The following DAPK1 variants were observed in gnomAD, a reference collection of about 807,000 sequenced individuals.
DAPK1 encodes the protein death associated protein kinase 1, also known as death-associated protein kinase 1.
Under a neutral mutation model 144.9 loss-of-function variants are expected in DAPK1, and 56 were observed. That is an observed-to-expected ratio of 0.39 (90% CI 0.31 to 0.48). The LOEUF (loss-of-function observed/expected upper bound fraction) is 0.48, where lower values mean the gene tolerates loss of function less well. Among genes scored for constraint, DAPK1 ranks in the 20% least tolerant of loss-of-function variants. The pLI is 0.95. For missense variants in DAPK1, 1,454 were observed against 1,875.4 expected, an observed-to-expected ratio of 0.78 and a Z score of 4.15; for synonymous variants, 690 against 749.0, an observed-to-expected ratio of 0.92 and a Z score of 1.29.
chr9:87,705,908 C>G (rs949252074), intron 25 of DAPK1, among the ~76,000 whole-genome samples: 1 of 151,812 alleles, frequency 6.6e-6, no homozygotes, highest in Admixed American at 6.6e-5. Flanking sequence ...TTGAAGACTT[C>G]AGGGGAGTTG....
chr9:87,664,295 C>T (rs1211312620), intron 18 of DAPK1, among the ~76,000 whole-genome samples: 1 of 152,160 alleles, frequency 6.6e-6, no homozygotes, highest in Admixed American at 6.5e-5. Context: ...CACCCTGGAG[C>T]TCCCCTTTCC....
chr9:87,613,184 A>G (rs1828987004), intron 3 of DAPK1, among the ~76,000 whole-genome samples: 2 of 152,226 alleles, frequency 1.3e-5, no homozygotes, highest in African/African-American at 2.4e-5. Context: ...TTATATTTAA[A>G]AAGGTAAATT....
At chr9:87,590,965 C>T (rs1010932891) in intron 2 of DAPK1, among the ~76,000 whole-genome samples, 19 of 152,294 alleles carry the variant, frequency 1.2e-4, no homozygotes, top group African/African-American at 4.3e-4. Flanking sequence ...GAAATCTGAC[C>T]TCATGGAGTT....
At chr9:87,570,484 A>C (rs1827290475) in intron 2 of DAPK1, among the ~76,000 whole-genome samples, 1 of 152,210 alleles carries the variant, frequency 6.6e-6, no homozygotes, top group Non-Finnish European at 1.5e-5. Context: ...TATTACCCCC[A>C]GGTTGGGACA....
chr9:87,557,132 G>T (rs796086170), intron 2 of DAPK1, among the ~76,000 whole-genome samples: 1 of 152,188 alleles, frequency 6.6e-6, no homozygotes, highest in Non-Finnish European at 1.5e-5. Flanking sequence ...CAACATCCTC[G>T]AAGCTCAGTG....
At chr9:87,621,348 G>A (rs1231948568) in intron 3 of DAPK1, among the ~76,000 whole-genome samples, 1 of 152,178 alleles carries the variant, frequency 6.6e-6, no homozygotes, top group Non-Finnish European at 1.5e-5. Flanking sequence ...CGTTTACAGC[G>A]ACCCGGTTGT....
chr9:87,533,004 G>A (rs1408943788), intron 2 of DAPK1, among the ~76,000 whole-genome samples: 5 of 152,136 alleles, frequency 3.3e-5, no homozygotes, highest in Non-Finnish European at 5.9e-5. Context: ...AGTCTGAAGG[G>A]TGTGGAATAT....
chr9:87,519,882 A>G (rs1441695984), intron 2 of DAPK1, among the ~76,000 whole-genome samples: 1 of 152,088 alleles, frequency 6.6e-6, no homozygotes, highest in Non-Finnish European at 1.5e-5. Flanking sequence ...GAGAGGACAT[A>G]CCTGCTCTCC....
At chr9:87,506,363 A>G (rs552749176) in intron 2 of DAPK1, among the ~76,000 whole-genome samples, 1 of 152,238 alleles carries the variant, frequency 6.6e-6, no homozygotes, top group Non-Finnish European at 1.5e-5. Flanking sequence ...GAACTTTCGC[A>G]GGCCTTAACG....
At chr9:87,575,829 C>A (rs888145168) in intron 2 of DAPK1, among the ~76,000 whole-genome samples, 1 of 152,160 alleles carries the variant, frequency 6.6e-6, no homozygotes, top group African/African-American at 2.4e-5. Flanking sequence ...TCAACCTAAT[C>A]ATCCCAAACT....
chr9:87,561,981 G>C (rs1168295909), intron 2 of DAPK1, among the ~76,000 whole-genome samples: 5 of 152,182 alleles, frequency 3.3e-5, no homozygotes, highest in Non-Finnish European at 5.9e-5. Flanking sequence ...TGAGCTGCCT[G>C]CAAGGGGCTC....
chr9:87,651,165 T>C (rs1392018697), intron 16 of DAPK1, among the ~76,000 whole-genome samples: 1 of 152,224 alleles, frequency 6.6e-6, no homozygotes. Context: ...ATTTAGGAAA[T>C]TGGCAGAGAT....
Position 87,639,318 on chromosome 9 carries a change from T to C in DAPK1, c.424-36T>C, listed in dbSNP as rs878979032. ...GCCATCTTGTCCTCAGCATAACATA[T>C]CATAGCTTTTTATTTATCTCTCTCT... is the stretch of plus-strand genomic sequence containing the variant. On this transcript the variant is annotated intron_variant, in intron 4 of 25. Coordinates refer to ENST00000408954, the MANE Select transcript of DAPK1 (RefSeq NM_004938.4). 2.6e-6 allele frequency: 4 copies of C among 1,552,816 alleles called. No individual in the cohort carries two copies. The South Asian group carries it at 4.9e-5, about 19-fold the overall frequency.
intron 2 of DAPK1, among the ~76,000 whole-genome samples, chr9:87,598,022 C>G (rs1189798004): frequency 6.6e-6 from 1 of 152,224 alleles, no homozygotes; most frequent in African/African-American, 2.4e-5. Flanking sequence ...TGTCTCTCCT[C>G]TAGTCTGTAA....
At chr9:87,626,252 C>A (rs1829484968) in intron 3 of DAPK1, among the ~76,000 whole-genome samples, 1 of 152,234 alleles carries the variant, frequency 6.6e-6, no homozygotes, top group South Asian at 2.1e-4. Flanking sequence ...CCTGTCTCAA[C>A]TAAACACAAA....
intron 2 of DAPK1, among the ~76,000 whole-genome samples, chr9:87,555,577 C>T (rs560250866): frequency 6.7e-6 from 1 of 149,918 alleles, no homozygotes; most frequent in African/African-American, 2.5e-5. Context: ...GATCTCGGCT[C>T]ACTGCAACCT....
chr9:87,531,925 C>G (rs1177981958), intron 2 of DAPK1, among the ~76,000 whole-genome samples: 3 of 152,168 alleles, frequency 2.0e-5, no homozygotes, highest in Non-Finnish European at 4.4e-5. Flanking sequence ...TTAATGTGTT[C>G]TAGGAAATGC....
At chr9:87,673,606 G>A (rs1226264530) in intron 19 of DAPK1, among the ~76,000 whole-genome samples, 1 of 152,120 alleles carries the variant, frequency 6.6e-6, no homozygotes, top group Non-Finnish European at 1.5e-5. Flanking sequence ...GAAGGAACCT[G>A]GGGCAGGGCT....
At chr9:87,590,769 TA>T (rs959712622) in intron 2 of DAPK1, among the ~76,000 whole-genome samples, 2 of 152,132 alleles carry the variant, frequency 1.3e-5, no homozygotes, top group Non-Finnish European at 2.9e-5. Flanking sequence ...AAAAATTTTT[TA>T]TAGAGATGGG....
Sources: gnomAD v4.1 joint callset for allele counts (sites outside exome capture counted in the v4.1 genomes callset) on GRCh38, gnomAD v4.1.1 for gene constraint, MANE v1.5 for transcripts, NCBI Gene and HGNC (gene_info 2026-07-23, HGNC 2026-07-21) for gene names.